The following F13A1 variants were observed in gnomAD, a reference collection of about 807,000 sequenced individuals.
The protein encoded by F13A1 is FSF, A subunit.
In F13A1, 47 loss-of-function variants were observed where a neutral mutation model predicts 80.1. The ratio of observed to expected loss-of-function variants is 0.59; its 90% confidence interval spans 0.46 to 0.75. F13A1 has a LOEUF of 0.75. F13A1 is among the 30% of genes least tolerant of loss of function. F13A1 has a pLI of 0.00. For synonymous variants in F13A1, 349 were observed against 344.9 expected, an observed-to-expected ratio of 1.01 and a Z score of -0.13; for missense variants, 817 against 930.4, an observed-to-expected ratio of 0.88 and a Z score of 1.59.
chr6:6,290,031 C>T (rs1758202452), intron 3 of F13A1, among the ~76,000 whole-genome samples: 1 of 152,128 alleles, frequency 6.6e-6, no homozygotes, highest in African/African-American at 2.4e-5. Context: ...ACAACAAATC[C>T]TCTGGAGGCA....
chr6:6,298,824 A>C lies in F13A1; in HGVS notation c.319+6527T>G, dbSNP rs565619293. Among the ~76,000 whole-genome samples, 415 of 149,354 alleles carry C rather than the reference A, an allele frequency of 2.8e-3. 10 individuals are homozygous for C. The highest frequency in any genetic ancestry group is 0.024 in the East Asian group (122 of 5,176). On this transcript the variant is annotated intron_variant, in intron 3 of 14. Coordinates refer to ENST00000264870, the MANE Select transcript of F13A1 (RefSeq NM_000129.4). The stretch of plus-strand genomic sequence containing the variant: ...AGCTGGTGATTTTGCTCATTAGTTG[A>C]TGGAGTTTCTTCCTAGTCTTGATGG...
Position 6,250,424 on chromosome 6 carries a change from AAAG to A in F13A1, c.690+384_690+386del, listed in dbSNP as rs990006002. On this transcript the variant is annotated intron_variant, in intron 5 of 14. Transcript: ENST00000264870. This position sits in a 1 kb window ranked among gnomAD's most constrained non-coding sequence, Gnocchi z 4.2. Reference sequence around the variant, plus strand: ...TAGGCTAACACTTAAAAAAAAAAAAAAAGAAGCTATTTCTTTGAATTGGGCACA... The same window carrying A: ...TAGGCTAACACTTAAAAAAAAAAAAAAAGCTATTTCTTTGAATTGGGCACA... Among the ~76,000 whole-genome samples, 2 of 152,166 alleles carry A rather than the reference AAAG, an allele frequency of 1.3e-5. No individual in the cohort carries two copies. The highest frequency in any genetic ancestry group is 6.5e-5 in the Admixed American group (1 of 15,288).
chr6:6,288,563 T>G (rs1758169709), intron 3 of F13A1, among the ~76,000 whole-genome samples: 1 of 152,202 alleles, frequency 6.6e-6, no homozygotes, highest in Non-Finnish European at 1.5e-5. Flanking sequence ...CTTTATCCAT[T>G]GGTTAGGTTG....
chr6:6,276,573 T>C (rs868551276), intron 3 of F13A1, among the ~76,000 whole-genome samples: 1 of 152,222 alleles, frequency 6.6e-6, no homozygotes, highest in Non-Finnish European at 1.5e-5. Context: ...CCATTTTATA[T>C]ATGGGAAAAC....
At chr6:6,183,036 C>A (rs377452111) in intron 10 of F13A1, among the ~76,000 whole-genome samples, 32 of 152,282 alleles carry the variant, frequency 2.1e-4, no homozygotes, top group African/African-American at 6.7e-4. Flanking sequence ...CTTTACTATT[C>A]TACTTTCTAG....
intron 13 of F13A1, among the ~76,000 whole-genome samples, chr6:6,161,514 CAG>C (rs1261660558): frequency 9.3e-6 from 1 of 107,138 alleles, no homozygotes; most frequent in Non-Finnish European, 2.0e-5. Context: ...TACTGAAGTT[CAG>C]AGAGAGGATG....
chr6:6,235,984 T>C (rs552709829), intron 6 of F13A1, among the ~76,000 whole-genome samples: 1 of 152,158 alleles, frequency 6.6e-6, no homozygotes, highest in East Asian at 1.9e-4. Context: ...AATGAACTAC[T>C]GAAACAAAAA....
At chr6:6,207,072 A>T (rs1301720045) in intron 8 of F13A1, among the ~76,000 whole-genome samples, 1 of 152,038 alleles carries the variant, frequency 6.6e-6, no homozygotes, top group Non-Finnish European at 1.5e-5. Flanking sequence ...CAACAATCTG[A>T]GGGGCATTTA....
At chr6:6,156,638 GCACTGCCCCTGCTTTTAGCTGA>G (rs1250426072) in intron 13 of F13A1, among the ~76,000 whole-genome samples, 1 of 152,164 alleles carries the variant, frequency 6.6e-6, no homozygotes, top group African/African-American at 2.4e-5. Context: ...ATCACCACAG[GCACTGCCCCTGCTTTTAGCTGA>G]CACTTAGATG....
chr6:6,294,880 G>T (rs1263567416), intron 3 of F13A1, among the ~76,000 whole-genome samples: 7 of 142,220 alleles, frequency 4.9e-5, no homozygotes, highest in Non-Finnish European at 7.6e-5. Context: ...ATCTCCCAAT[G>T]CTATCCCTCC....
intron 6 of F13A1, among the ~76,000 whole-genome samples, chr6:6,237,419 G>C (rs1459158287): frequency 6.6e-6 from 1 of 152,130 alleles, no homozygotes; most frequent in Non-Finnish European, 1.5e-5. Context: ...ACAACAGCCA[G>C]GGTCACATAC....
At chr6:6,294,355 C>G (rs1218603065) in intron 3 of F13A1, among the ~76,000 whole-genome samples, 1 of 152,170 alleles carries the variant, frequency 6.6e-6, no homozygotes, top group African/African-American at 2.4e-5. Context: ...ATCTTTCTCC[C>G]ATGCTGGATG....
chr6:6,241,355 C>T (rs1005033381), intron 6 of F13A1, among the ~76,000 whole-genome samples: 9 of 151,996 alleles, frequency 5.9e-5, no homozygotes, highest in South Asian at 2.1e-4. Context: ...AAAGTGACAC[C>T]GAATCATATT....
intron 13 of F13A1, among the ~76,000 whole-genome samples, chr6:6,153,244 T>C (rs755576614): frequency 1.3e-5 from 2 of 152,174 alleles, no homozygotes; most frequent in Non-Finnish European, 2.9e-5. Flanking sequence ...AGAAAATATA[T>C]GGAAATGAGG....
chr6:6,204,806 A>G (rs1044318272), intron 8 of F13A1, among the ~76,000 whole-genome samples: 8 of 152,266 alleles, frequency 5.3e-5, no homozygotes, highest in African/African-American at 1.9e-4. Context: ...CGAGCATGAC[A>G]CTATTTCAGA....
At chr6:6,213,286 C>T (rs1379499698) in intron 8 of F13A1, among the ~76,000 whole-genome samples, 195 of 150,954 alleles carry the variant, frequency 1.3e-3, no homozygotes, top group African/African-American at 2.8e-3. Flanking sequence ...AGAGAAAGGT[C>T]GGGTTACCCT....
intron 10 of F13A1, among the ~76,000 whole-genome samples, chr6:6,190,942 G>T (rs967054053): frequency 6.6e-6 from 1 of 152,160 alleles, no homozygotes; most frequent in African/African-American, 2.4e-5. Context: ...CGTTTTTTAA[G>T]CCCGTCGGAA....
chr6:6,179,500 T>C (rs1053488246), intron 11 of F13A1, among the ~76,000 whole-genome samples: 1 of 152,044 alleles, frequency 6.6e-6, no homozygotes, highest in Non-Finnish European at 1.5e-5. Flanking sequence ...AGAATCAGGG[T>C]GGTAAGTACT....
chr6:6,195,694 G>C, intron 10 of F13A1, 103 bp downstream of exon 10: 1 of 993,596 alleles, frequency 1.0e-6, no homozygotes, highest in Non-Finnish European at 1.6e-6. Flanking sequence ...CGAAGCATAC[G>C]CTATGTACCT....
Sources: allele counts gnomAD v4.1 joint callset (sites outside exome capture counted in the v4.1 genomes callset), GRCh38; gene constraint gnomAD v4.1.1; non-coding constraint Gnocchi (gnomAD v3.1); transcripts MANE v1.5; gene names NCBI Gene and HGNC (gene_info 2026-07-23, HGNC 2026-07-21).